Variants in GPC6 observed in about 807,000 individuals in gnomAD.
GPC6 encodes glypican 6, also known as glypican-6.
In GPC6, 14 loss-of-function variants were observed where a neutral mutation model predicts 55.2. The ratio of observed to expected loss-of-function variants is 0.25; its 90% CI spans 0.17 to 0.40. The LOEUF (loss-of-function observed/expected upper bound fraction) is 0.40. GPC6 is among the 10% of genes least tolerant of loss of function. GPC6 has a pLI of 1.00. For missense variants in GPC6, 641 were observed against 708.5 expected (o/e 0.90, Z 1.08); for synonymous variants, 278 against 259.6 (o/e 1.07, Z -0.68).
At chr13:94,233,118 C>G (rs1402616886) in intron 4 of GPC6, among the ~76,000 whole-genome samples, 1 of 150,914 alleles carries the variant, frequency 6.6e-6, no homozygotes, top group Admixed American at 6.6e-5. Flanking sequence ...CACAATGTAC[C>G]CATCACTGTC....
intron 6 of GPC6, among the ~76,000 whole-genome samples, chr13:94,318,802 T>C (rs908007068): frequency 3.3e-5 from 5 of 152,194 alleles, no homozygotes; most frequent in African/African-American, 1.2e-4. Context: ...GTTAAAACTT[T>C]TCTTGTGAAT....
chr13:93,594,688 T>C (rs1244647349), intron 2 of GPC6, among the ~76,000 whole-genome samples: 1 of 151,982 alleles, frequency 6.6e-6, no homozygotes, highest in Non-Finnish European at 1.5e-5. Flanking sequence ...AGTATATAAA[T>C]ACCAGAAGTT....
At position 93,705,240 on chromosome 13, in the gene GPC6, A is replaced by G. The variant is rs1292538740; in HGVS notation, c.320-124914A>G. Among the ~76,000 whole-genome samples the G allele has an allele frequency of 3.3e-5, 5 of 152,074 alleles. No homozygotes were observed. The East Asian group carries it at 7.8e-4, about 24-fold the overall frequency. On this transcript the variant is annotated intron_variant, in intron 2 of 8. Coordinates refer to ENST00000377047, the MANE Select transcript of GPC6 (RefSeq NM_005708.5). ...ATACAAATACAAATGTAGTTAATCT[A>G]TAGGTTTGGTCTCGATAAGTGCTGC...
At chr13:94,267,039 C>T (rs1891840157) in intron 4 of GPC6, among the ~76,000 whole-genome samples, 1 of 152,086 alleles carries the variant, frequency 6.6e-6, no homozygotes, top group South Asian at 2.1e-4. Context: ...AAATTTTTTA[C>T]ACTATGATGA....
chr13:94,195,159 C>G (rs948822506), intron 4 of GPC6, among the ~76,000 whole-genome samples: 1 of 152,310 alleles, frequency 6.6e-6, no homozygotes, highest in South Asian at 2.1e-4. Context: ...TGTCCAGTTA[C>G]AAGCACCTGA....
At chr13:93,748,144 A>G (rs1884462244) in intron 2 of GPC6, among the ~76,000 whole-genome samples, 1 of 152,164 alleles carries the variant, frequency 6.6e-6, no homozygotes, top group Admixed American at 6.5e-5. Flanking sequence ...TGTTTTGCTC[A>G]ATATTACCAA....
intron 3 of GPC6, among the ~76,000 whole-genome samples, chr13:93,975,495 G>A (rs1392357119): frequency 6.6e-6 from 1 of 152,102 alleles, no homozygotes; most frequent in Non-Finnish European, 1.5e-5. Flanking sequence ...AACAGATGCT[G>A]TTATGCAAAT....
At chr13:94,079,700 A>C (rs1255513572) in intron 4 of GPC6, among the ~76,000 whole-genome samples, 1 of 152,198 alleles carries the variant, frequency 6.6e-6, no homozygotes, top group East Asian at 1.9e-4. Context: ...TGTGAATAAC[A>C]CAGGCACTAC....
At chr13:94,334,383 C>T (rs1483675656) in intron 6 of GPC6, among the ~76,000 whole-genome samples, 1 of 152,200 alleles carries the variant, frequency 6.6e-6, no homozygotes, top group Non-Finnish European at 1.5e-5. Context: ...CAGAAAATAC[C>T]AGTGCCCCCT....
At chr13:93,545,134 A>C (rs756101108) in intron 1 of GPC6, 129 bp from the exon 2 acceptor site, 8 of 777,700 alleles carry the variant, frequency 1.0e-5, no homozygotes, top group South Asian at 1.0e-4. Context: ...GATAGAGTTC[A>C]TGGGGATGGC....
chr13:93,764,683 G>A (rs1885058536), intron 2 of GPC6, among the ~76,000 whole-genome samples: 1 of 152,052 alleles, frequency 6.6e-6, no homozygotes, highest in Non-Finnish European at 1.5e-5. Flanking sequence ...ATTGTGTGAG[G>A]TTAGAGGCAG....
At chr13:93,899,140 T>C (rs2150125) in intron 3 of GPC6, among the ~76,000 whole-genome samples, 100,674 of 151,224 alleles carry the variant, frequency 0.67, 34,085 homozygotes, top group East Asian at 0.8. Context: ...CACTGTCAGT[T>C]ATTCGGCCAT....
At chr13:94,232,553 G>C (rs1890763195) in intron 4 of GPC6, among the ~76,000 whole-genome samples, 1 of 152,062 alleles carries the variant, frequency 6.6e-6, no homozygotes, top group Non-Finnish European at 1.5e-5. Flanking sequence ...GTGGGGCAGG[G>C]TGTCAAAGAA....
intron 2 of GPC6, among the ~76,000 whole-genome samples, chr13:93,704,986 G>A (rs888067017): frequency 1.3e-5 from 2 of 151,924 alleles, no homozygotes; most frequent in East Asian, 2.0e-4. Context: ...CCTGTTCCTT[G>A]GCCTGAGCAC....
At chr13:94,381,059 C>T (rs1158589192) in intron 6 of GPC6, among the ~76,000 whole-genome samples, 1 of 152,070 alleles carries the variant, frequency 6.6e-6, no homozygotes, top group African/African-American at 2.4e-5. Context: ...AACAAGTGAC[C>T]AATTTGTCCC....
At chr13:93,377,007 C>T (rs1022724622) in intron 1 of GPC6, among the ~76,000 whole-genome samples, 1 of 152,128 alleles carries the variant, frequency 6.6e-6, no homozygotes, top group Non-Finnish European at 1.5e-5. Context: ...AATTTATGTT[C>T]TGAAATCTTG....
At chr13:93,243,157 A>C (rs1258220823) in intron 1 of GPC6, among the ~76,000 whole-genome samples, 1 of 152,196 alleles carries the variant, frequency 6.6e-6, no homozygotes, top group African/African-American at 2.4e-5. Context: ...AGTCTGCTGC[A>C]AGGGCTAGAG....
At chr13:93,493,025 T>G (rs1400781721) in intron 1 of GPC6, among the ~76,000 whole-genome samples, 1 of 89,436 alleles carries the variant, frequency 1.1e-5, no homozygotes. Flanking sequence ...ATCAGAATGA[T>G]GCTGGCCTCA....
At chr13:94,374,461 A>T (rs1387016061) in intron 6 of GPC6, among the ~76,000 whole-genome samples, 1 of 147,500 alleles carries the variant, frequency 6.8e-6, no homozygotes, top group Non-Finnish European at 1.5e-5. Context: ...ATCAAAAGAG[A>T]CAAGGCCATT....
Sources: gnomAD v4.1 joint callset for allele counts (sites outside exome capture counted in the v4.1 genomes callset) on GRCh38, gnomAD v4.1.1 for gene constraint, MANE v1.5 for transcripts, NCBI Gene and HGNC (gene_info 2026-07-23, HGNC 2026-07-21) for gene names.